The following DSCAM variants were observed in gnomAD, a reference collection of about 807,000 sequenced individuals.
The protein encoded by DSCAM is DS cell adhesion molecule.
Under a neutral mutation model 217.7 loss-of-function variants are expected in DSCAM, and 47 were observed. The observed-to-expected ratio is 0.22, with a 90% CI of 0.17 to 0.28. The LOEUF (loss-of-function observed/expected upper bound fraction) is 0.28. Among genes scored for constraint, DSCAM ranks in the 10% least tolerant of loss-of-function variants. DSCAM has a pLI of 1.00. For synonymous variants in DSCAM, 1,056 were observed against 1,015.3 expected (o/e 1.04, Z -0.76); for missense variants, 2,080 against 2,618.3 (o/e 0.79, Z 4.49).
At chr21:40,604,610 C>T (rs564344178) in intron 3 of DSCAM, among the ~76,000 whole-genome samples, 1 of 152,332 alleles carries the variant, frequency 6.6e-6, no homozygotes, top group East Asian at 1.9e-4. Flanking sequence ...GCAGGTGACA[C>T]AGCCTTTAGT....
chr21:40,264,050 C>A (rs2073489263), intron 11 of DSCAM, among the ~76,000 whole-genome samples: 1 of 146,464 alleles, frequency 6.8e-6, no homozygotes, highest in Admixed American at 6.7e-5. Flanking sequence ...GATATTGAAT[C>A]AGCAATAAAA....
intron 3 of DSCAM, among the ~76,000 whole-genome samples, chr21:40,386,169 C>A (rs1289638208): frequency 6.6e-6 from 1 of 152,126 alleles, no homozygotes; most frequent in Non-Finnish European, 1.5e-5. Context: ...CCTAGGCCCG[C>A]CTCACCGCTA....
chr21:40,239,444 G>GAAGAAATCAAAAA, intron 11 of DSCAM, among the ~76,000 whole-genome samples: 1 of 152,068 alleles, frequency 6.6e-6, no homozygotes, highest in African/African-American at 2.4e-5. Flanking sequence ...TACTGTGCAA[G>GAAGAAATCAAAAA]AAGAAATCAA....
chr21:40,714,168 CAA>C (rs949699643), intron 1 of DSCAM, among the ~76,000 whole-genome samples: 1 of 152,182 alleles, frequency 6.6e-6, no homozygotes. Context: ...GGAGCCGGCA[CAA>C]AGAGTCCCCA....
intron 3 of DSCAM, among the ~76,000 whole-genome samples, chr21:40,636,721 G>A (rs1414171117): frequency 1.3e-5 from 2 of 148,370 alleles, no homozygotes; most frequent in Non-Finnish European, 3.0e-5. Context: ...AAAAAAAAAT[G>A]CCACGCTAGT....
chr21:40,734,267 A>C (rs1222961702), intron 1 of DSCAM, among the ~76,000 whole-genome samples: 1 of 152,154 alleles, frequency 6.6e-6, no homozygotes, highest in African/African-American at 2.4e-5. Flanking sequence ...TACAGAGATC[A>C]AGCTACGGGG....
At chr21:40,627,555 G>T (rs1425641414) in intron 3 of DSCAM, among the ~76,000 whole-genome samples, 1 of 152,136 alleles carries the variant, frequency 6.6e-6, no homozygotes, top group Non-Finnish European at 1.5e-5. Context: ...TCTATATGCA[G>T]TCAACCATAC....
At chr21:40,546,597 G>A (rs1306374499) in intron 3 of DSCAM, among the ~76,000 whole-genome samples, 4 of 152,148 alleles carry the variant, frequency 2.6e-5, no homozygotes, top group African/African-American at 7.2e-5. Context: ...AAATACATGG[G>A]GTTTTCCTCC....
chr21:40,152,116 GAAAAAAAAAAACAC>G (rs1568969910), intron 16 of DSCAM, among the ~76,000 whole-genome samples: 1 of 146,982 alleles, frequency 6.8e-6, no homozygotes, highest in African/African-American at 2.5e-5. Flanking sequence ...TAAGCATATG[GAAAAAAAAAAACAC>G]AAAAAAAACA....
chr21:40,308,935 T>C (rs912394688), intron 9 of DSCAM, among the ~76,000 whole-genome samples: 2 of 152,214 alleles, frequency 1.3e-5, no homozygotes, highest in African/African-American at 4.8e-5. Flanking sequence ...GTTATTATAC[T>C]ACTTTGAACG....
rs2089404151 is a variant in DSCAM at position 40,078,631 on chromosome 21, C to T, written c.4711+56G>A. On this transcript the variant is annotated intron_variant, in intron 26 of 32. Coordinates refer to ENST00000400454, the MANE Select transcript of DSCAM (RefSeq NM_001389.5). Reference sequence around the variant, plus strand: ...ATGTTCGATGGGAAAGGGGCAGGGCCCACGTGCACATCCCCCAAGACACAA... The same window carrying T: ...ATGTTCGATGGGAAAGGGGCAGGGCTCACGTGCACATCCCCCAAGACACAA... 8 of 1,576,084 alleles carry T rather than the reference C, an allele frequency of 5.1e-6. No homozygotes were observed. In the Admixed American group the frequency reaches 1.4e-4, roughly 27 times the overall value.
At chr21:40,084,459 A>G (rs1334999661) in intron 23 of DSCAM, among the ~76,000 whole-genome samples, 2 of 151,052 alleles carry the variant, frequency 1.3e-5, no homozygotes, top group African/African-American at 4.9e-5. Flanking sequence ...GGGAAAAAGA[A>G]TTGCAAAAAT....
At chr21:40,677,544 C>A (rs891526692) in intron 3 of DSCAM, among the ~76,000 whole-genome samples, 1 of 152,038 alleles carries the variant, frequency 6.6e-6, no homozygotes, top group African/African-American at 2.4e-5. Context: ...TGTCCATGAT[C>A]CCCCCAAAAA....
At chr21:40,299,389 T>A (rs1161273588) in intron 9 of DSCAM, among the ~76,000 whole-genome samples, 1 of 152,146 alleles carries the variant, frequency 6.6e-6, no homozygotes, top group Non-Finnish European at 1.5e-5. Flanking sequence ...GAAAGTGAAC[T>A]TGTGAGTTAC....
At chr21:40,694,473 G>A (rs2090574664) in intron 2 of DSCAM, among the ~76,000 whole-genome samples, 1 of 152,174 alleles carries the variant, frequency 6.6e-6, no homozygotes, top group Non-Finnish European at 1.5e-5. Context: ...TTAAGGTCGG[G>A]CTAACCTTGT....
At chr21:40,411,855 C>T (rs1334793490) in intron 3 of DSCAM, among the ~76,000 whole-genome samples, 1 of 152,142 alleles carries the variant, frequency 6.6e-6, no homozygotes, top group Non-Finnish European at 1.5e-5. Context: ...ACTACCAATA[C>T]TCACTAATAT....
intron 3 of DSCAM, among the ~76,000 whole-genome samples, chr21:40,479,191 A>G (rs1405016596): frequency 6.6e-6 from 1 of 152,198 alleles, no homozygotes; most frequent in Non-Finnish European, 1.5e-5. Flanking sequence ...ATGAAGCCAG[A>G]GACATGGCCA....
chr21:40,306,884 G>A (rs1287548444), intron 9 of DSCAM, among the ~76,000 whole-genome samples: 1 of 151,854 alleles, frequency 6.6e-6, no homozygotes, highest in Non-Finnish European at 1.5e-5. Context: ...GTTCATCAAG[G>A]ATATTGGTCT....
intron 5 of DSCAM, 87 bp downstream of exon 5, chr21:40,353,378 C>T: frequency 2.6e-6 from 4 of 1,549,112 alleles, no homozygotes; most frequent in Non-Finnish European, 2.6e-6. Flanking sequence ...TAATGGAAAG[C>T]TACAGAGAAA....
Sources: allele counts gnomAD v4.1 joint callset (sites outside exome capture counted in the v4.1 genomes callset), GRCh38; gene constraint gnomAD v4.1.1; transcripts MANE v1.5; gene names NCBI Gene and HGNC (gene_info 2026-07-23, HGNC 2026-07-21).